ARHGAP28: variants seen among roughly 807,000 people sequenced by gnomAD.
ARHGAP28 encodes the protein rho GTPase-activating protein 28.
In ARHGAP28, 56 loss-of-function variants were observed where a neutral mutation model predicts 90.7. That is an observed-to-expected ratio of 0.62 (90% CI 0.50 to 0.77). The LOEUF (loss-of-function observed/expected upper bound fraction) is 0.77. Among genes scored for constraint, ARHGAP28 ranks in the 30% least tolerant of loss-of-function variants. The pLI is 0.00. For synonymous variants in ARHGAP28, 308 were observed against 323.3 expected, an observed-to-expected ratio of 0.95 and a Z score of 0.51; for missense variants, 869 against 900.9, an observed-to-expected ratio of 0.96 and a Z score of 0.45.
At chr18:6,795,397 G>A (rs2056434796) in intron 1 of ARHGAP28, among the ~76,000 whole-genome samples, 1 of 152,104 alleles carries the variant, frequency 6.6e-6, no homozygotes, top group Non-Finnish European at 1.5e-5. Flanking sequence ...CTAGGCTGGG[G>A]AAGGGAGAGG....
intron 1 of ARHGAP28, among the ~76,000 whole-genome samples, chr18:6,821,998 C>G (rs1019574638): frequency 1.3e-5 from 2 of 151,954 alleles, no homozygotes; most frequent in Non-Finnish European, 2.9e-5. Flanking sequence ...TTTCTAAGAT[C>G]TGTGATAATA....
chr18:6,861,809 C>A (rs2057000918), intron 5 of ARHGAP28, among the ~76,000 whole-genome samples: 1 of 152,204 alleles, frequency 6.6e-6, no homozygotes, highest in Non-Finnish European at 1.5e-5. Flanking sequence ...TTCAGTCATT[C>A]ATTCAGCAAA....
chr18:6,745,371 T>G (rs1391046787), intron 1 of ARHGAP28, among the ~76,000 whole-genome samples: 2 of 152,190 alleles, frequency 1.3e-5, no homozygotes, highest in Non-Finnish European at 1.5e-5. Context: ...CTTCATCTTC[T>G]TATCCATTAC....
chr18:6,890,278 A>T, intron 13 of ARHGAP28, 152 bp from the exon 14 acceptor site: 4 of 776,250 alleles, frequency 5.2e-6, no homozygotes, highest in Non-Finnish European at 8.3e-6. Context: ...AGGGATCCAC[A>T]TAATTTTTTC....
intron 13 of ARHGAP28, 118 bp downstream of exon 13, chr18:6,890,203 A>T: frequency 2.5e-6 from 3 of 1,202,646 alleles, no homozygotes; most frequent in Non-Finnish European, 3.6e-6. Flanking sequence ...AGATAACCCC[A>T]GGTGGCTGTG....
At chr18:6,865,143 A>C (rs1330327467) in intron 5 of ARHGAP28, among the ~76,000 whole-genome samples, 1 of 152,204 alleles carries the variant, frequency 6.6e-6, no homozygotes, top group Non-Finnish European at 1.5e-5. Flanking sequence ...TAGAGTATGA[A>C]GATATTTCCC....
intron 1 of ARHGAP28, among the ~76,000 whole-genome samples, chr18:6,767,516 T>C (rs2056209042): frequency 6.6e-6 from 1 of 152,168 alleles, no homozygotes; most frequent in Non-Finnish European, 1.5e-5. Context: ...ATTAGCTGGC[T>C]CTGTGCTTTT....
At chr18:6,899,039 A>T (rs909826721) in intron 16 of ARHGAP28, among the ~76,000 whole-genome samples, 3 of 152,102 alleles carry the variant, frequency 2.0e-5, no homozygotes, top group African/African-American at 7.2e-5. Context: ...GAAAGAAAAA[A>T]CTTTTAAAAT....
At chr18:6,865,313 T>C (rs1303039631) in intron 5 of ARHGAP28, among the ~76,000 whole-genome samples, 1 of 152,264 alleles carries the variant, frequency 6.6e-6, no homozygotes, top group Non-Finnish European at 1.5e-5. Context: ...ATCATCAGAA[T>C]ACCTTTAAAT....
intron 1 of ARHGAP28, among the ~76,000 whole-genome samples, chr18:6,796,591 C>T (rs1212499814): frequency 2.0e-5 from 3 of 152,176 alleles, no homozygotes; most frequent in Admixed American, 6.5e-5. Flanking sequence ...AAACTGCAGT[C>T]ATTCTGAAGT....
chr18:6,820,378 A>C (rs1033460754), intron 1 of ARHGAP28, among the ~76,000 whole-genome samples: 4 of 152,214 alleles, frequency 2.6e-5, no homozygotes, highest in Non-Finnish European at 5.9e-5. Flanking sequence ...GCAGAGAGAG[A>C]GTTGGGGGAG....
At chr18:6,820,596 C>T (rs2056620269) in intron 1 of ARHGAP28, among the ~76,000 whole-genome samples, 1 of 152,160 alleles carries the variant, frequency 6.6e-6, no homozygotes, top group Non-Finnish European at 1.5e-5. Flanking sequence ...GAACTACACT[C>T]AAATTGCTGA....
At chr18:6,794,215 A>G (rs1416308191) in intron 1 of ARHGAP28, among the ~76,000 whole-genome samples, 1 of 152,186 alleles carries the variant, frequency 6.6e-6, no homozygotes, top group Non-Finnish European at 1.5e-5. Context: ...GATCCTCCCC[A>G]CAAATTAAGT....
intron 4 of ARHGAP28, among the ~76,000 whole-genome samples, chr18:6,858,491 T>C (rs2056971720): frequency 6.6e-6 from 1 of 152,180 alleles, no homozygotes; most frequent in Admixed American, 6.5e-5. Flanking sequence ...CCATTTGTAG[T>C]TATTTGGGTG....
intron 1 of ARHGAP28, among the ~76,000 whole-genome samples, chr18:6,767,698 T>C (rs1451454674): frequency 6.6e-6 from 1 of 152,216 alleles, no homozygotes; most frequent in East Asian, 1.9e-4. Context: ...TCTTTGTTCT[T>C]CTGTATGTAA....
At chr18:6,846,041 T>C (rs1282304981) in intron 3 of ARHGAP28, among the ~76,000 whole-genome samples, 2 of 152,278 alleles carry the variant, frequency 1.3e-5, no homozygotes, top group African/African-American at 4.8e-5. Flanking sequence ...CCATGTGTCA[T>C]GAAGCTTGGG....
intron 1 of ARHGAP28, among the ~76,000 whole-genome samples, chr18:6,775,141 CTT>C (rs1488953682): frequency 6.6e-6 from 1 of 152,080 alleles, no homozygotes; most frequent in Non-Finnish European, 1.5e-5. Context: ...GTCAATGACT[CTT>C]TGTTTGTCTT....
chr18:6,730,147 C>A, intron 1 of ARHGAP28: 1 of 448,624 alleles, frequency 2.2e-6, no homozygotes, highest in Non-Finnish European at 3.6e-6. Context: ...CCAGCCTGGG[C>A]TGAAGTCGTT....
At chr18:6,799,084 A>C (rs535735117) in intron 1 of ARHGAP28, among the ~76,000 whole-genome samples, 2 of 152,194 alleles carry the variant, frequency 1.3e-5, no homozygotes, top group Admixed American at 6.5e-5. Context: ...ATCAGGGACA[A>C]TATCCTAGAG....
Sources: allele counts gnomAD v4.1 joint callset (sites outside exome capture counted in the v4.1 genomes callset), GRCh38; gene constraint gnomAD v4.1.1; transcripts MANE v1.5; gene names NCBI Gene and HGNC (gene_info 2026-07-23, HGNC 2026-07-21).